The following KIR2DL4 variants were observed in gnomAD, a reference collection of about 807,000 sequenced individuals.
The protein encoded by KIR2DL4 is killer cell immunoglobulin like receptor, two Ig domains and long cytoplasmic tail 4.
A neutral mutation model predicts 31.0 loss-of-function variants in KIR2DL4; 41 were observed. That is an observed-to-expected ratio of 1.32 (90% CI 1.03 to 1.72). KIR2DL4 has a LOEUF of 1.72. Ranked by LOEUF, KIR2DL4 falls within the 40% of genes most tolerant of loss-of-function variation. The probability of loss-of-function intolerance (pLI) is 0.00; values close to 1 mark genes in which losing one functional copy is unlikely to be tolerated. For missense variants in KIR2DL4, 438 were observed against 353.7 expected, an observed-to-expected ratio of 1.24 and a Z score of -1.91; for synonymous variants, 164 against 133.6, an observed-to-expected ratio of 1.23 and a Z score of -1.57.
rs1601103751 is a variant in KIR2DL4, at chr19:54,803,746, G to T, written c.40+55G>T. The stretch of plus-strand genomic sequence containing the variant: ...GTTACACTATGGGCCTGCAGATTGG[G>T]TGTCTCCCCAGCAGAGAGCCATGTT... On this transcript the variant is annotated intron_variant, in intron 1 of 7. Coordinates refer to ENST00000359085, the Ensembl canonical transcript of KIR2DL4. The T allele has an allele frequency of 6.9e-6, 11 of 1,588,602 alleles. No homozygotes were observed. The Admixed American group carries it at 1.7e-4, about 24-fold the overall frequency.
At chr19:54,812,788 G>A (rs1038396329) in intron 5 of KIR2DL4, among the ~76,000 whole-genome samples, 3 of 142,508 alleles carry the variant, frequency 2.1e-5, no homozygotes, top group African/African-American at 5.6e-5. Context: ...TGCTAACCCC[G>A]TCCTCTGGGG....
At chr19:54,807,805 A>G (rs1292461134) in intron 4 of KIR2DL4, among the ~76,000 whole-genome samples, 5 of 148,420 alleles carry the variant, frequency 3.4e-5, no homozygotes, top group Admixed American at 2.7e-4. Context: ...TTACATTCCT[A>G]TCAACAGTGT....
exon 3 of KIR2DL4, chr19:54,804,850 G>A (rs1359807478): frequency 1.2e-6 from 2 of 1,612,222 alleles, no homozygotes; most frequent in Non-Finnish European, 1.7e-6. Flanking sequence ...CCTCAAGGAG[G>A]ACACGTGACT....
chr19:54,806,810 C>A (rs1268092249), intron 4 of KIR2DL4, among the ~76,000 whole-genome samples: 2 of 149,734 alleles, frequency 1.3e-5, no homozygotes, highest in Non-Finnish European at 3.0e-5. Flanking sequence ...GGGCTGGAGA[C>A]CAGCCTGGCC....
intron 5 of KIR2DL4, among the ~76,000 whole-genome samples, chr19:54,812,476 T>C (rs2060920182): frequency 6.6e-6 from 1 of 151,190 alleles, no homozygotes; most frequent in East Asian, 1.9e-4. Context: ...TTCCTCCTGA[T>C]CTCAGGATGT....
chr19:54,803,665 C>T lies in KIR2DL4; in HGVS notation c.14C>T (p.Pro5Leu), dbSNP rs895554285. 6.2e-7 allele frequency: 1 copy of T among 1,612,150 alleles called. No individual in the cohort carries two copies. Among genetic ancestry groups the T allele is most frequent in the African/African-American group, 1.3e-5 (1 of 74,300 alleles). ...AGAAGCTGCACCATGTCCATGTCAC[C>T]CACGGTCATCATCCTGGCATGTCTT... Residue 5 changes from proline to leucine, a missense_variant, in exon 1 of 8, where the codon CCC (proline) becomes CTC (leucine). Pro to Leu is a moderately conservative substitution (Grantham distance 98). Coordinates refer to ENST00000359085, the Ensembl canonical transcript of KIR2DL4.
At chr19:54,805,040 G>T (rs1569354716) in exon 3 of KIR2DL4, 1 of 1,610,142 alleles carries the variant, frequency 6.2e-7, no homozygotes. Flanking sequence ...CCACTGAGTG[G>T]TCGGCACCCA....
chr19:54,813,262 G>C (rs1456573408), intron 6 of KIR2DL4: 3 of 1,598,614 alleles, frequency 1.9e-6, no homozygotes, highest in Non-Finnish European at 2.6e-6. Flanking sequence ...AGAGAACTCA[G>C]GGCCCTGTGC....
intron 4 of KIR2DL4, among the ~76,000 whole-genome samples, chr19:54,807,942 G>T (rs2060624801): frequency 6.6e-6 from 1 of 151,110 alleles, no homozygotes; most frequent in Non-Finnish European, 1.5e-5. Context: ...GATGATTAGT[G>T]ATACTGAGCA....
At chr19:54,810,847 G>A (rs2060825226) in intron 5 of KIR2DL4, among the ~76,000 whole-genome samples, 1 of 151,446 alleles carries the variant, frequency 6.6e-6, no homozygotes, top group Non-Finnish European at 1.5e-5. Flanking sequence ...CTAGGAGACT[G>A]TGGAAAAGGC....
chr19:54,813,611 C>T (rs1479212488), intron 6 of KIR2DL4, 79 bp from the exon 6 acceptor site: 1 of 1,448,344 alleles, frequency 6.9e-7, no homozygotes, highest in Admixed American at 1.7e-5. Flanking sequence ...TGGCCTCCCC[C>T]TGTGTGTTGG....
intron 5 of KIR2DL4, among the ~76,000 whole-genome samples, chr19:54,809,430 A>G (rs1458678342): frequency 1.7e-4 from 25 of 150,902 alleles, no homozygotes; most frequent in African/African-American, 5.2e-4. Flanking sequence ...CTATGTTGCC[A>G]TAACAAATTT....
chr19:54,814,115 C>T lies in KIR2DL4; in HGVS notation c.*315C>T, dbSNP rs1220007942. The T allele has an allele frequency of 2.8e-5, 45 of 1,609,698 alleles. 1 individual carries two copies. Among genetic ancestry groups the T allele is most frequent in the Non-Finnish European group, 3.4e-5 (40 of 1,179,428 alleles). On this transcript the variant is annotated 3_prime_UTR_variant, in exon 8 of 8. Coordinates refer to ENST00000359085, the Ensembl canonical transcript of KIR2DL4. ...TGTACCAGCAGCTGGAATCTGAAGG[C>T]GTGAGTCTCCATCTTAGAGCATCAC...
intron 4 of KIR2DL4, among the ~76,000 whole-genome samples, chr19:54,807,999 C>T (rs796735253): frequency 6.6e-6 from 1 of 151,150 alleles, no homozygotes; most frequent in Non-Finnish European, 1.5e-5. Context: ...ATGTTTTGTT[C>T]ATTGAGAAAT....
intron 3 of KIR2DL4, among the ~76,000 whole-genome samples, chr19:54,805,654 T>C (rs2060469892): frequency 6.6e-6 from 1 of 151,022 alleles, no homozygotes; most frequent in Non-Finnish European, 1.5e-5. Context: ...GCCGCCATGT[T>C]TGTGATAATT....
Position 54,810,607 on chromosome 19 carries a change from T to C in KIR2DL4, c.706+1724T>C, listed in dbSNP as rs1269829039. On this transcript the variant is annotated intron_variant, in intron 5 of 7. Transcript: ENST00000359085. ...AGGCACAAAGGTGAAAACAATGTTA[T>C]GTGGAAGGAAGAGGCTCTGCCTGAA... 7.3e-5 allele frequency among the ~76,000 whole-genome samples: 11 copies of C among 151,294 alleles called. 1 individual carries two copies. Among genetic ancestry groups the C allele is most frequent in the Admixed American group, 4.6e-4 (7 of 15,202 alleles).
chr19:54,804,581 G>C (rs2060381273), intron 2 of KIR2DL4, among the ~76,000 whole-genome samples: 1 of 151,204 alleles, frequency 6.6e-6, no homozygotes, highest in African/African-American at 2.4e-5. Context: ...AATCTAGTAA[G>C]AGTCCCTTAC....
chr19:54,806,084 A>C (rs1157016148), exon 4 of KIR2DL4: 1 of 1,611,988 alleles, frequency 6.2e-7, no homozygotes, highest in African/African-American at 1.3e-5. Flanking sequence ...AAGCCCATGA[A>C]CTTAGGCTCC....
chr19:54,814,019 C>T, exon 8 of KIR2DL4: 1 of 1,612,350 alleles, frequency 6.2e-7, no homozygotes, highest in Non-Finnish European at 8.5e-7. Context: ...CCATGAGCAC[C>T]ACAGTCAGGC....
Sources: allele counts gnomAD v4.1 joint callset (sites outside exome capture counted in the v4.1 genomes callset), GRCh38; gene constraint gnomAD v4.1.1; transcripts MANE v1.5; gene names NCBI Gene and HGNC (gene_info 2026-07-23, HGNC 2026-07-21).